The following PSPC1 variants were observed in gnomAD, a reference collection of about 807,000 sequenced individuals.
The protein encoded by PSPC1 is paraspeckle component 1, also known as paraspeckle protein 1.
In PSPC1, 14 loss-of-function variants were observed where a neutral mutation model predicts 51.6. The ratio of observed to expected loss-of-function variants is 0.27; its 90% CI spans 0.18 to 0.42. PSPC1 has a LOEUF of 0.42. Among genes scored for constraint, PSPC1 ranks in the 10% least tolerant of loss-of-function variants. The pLI, the probability that PSPC1 is intolerant of heterozygous loss-of-function variation, is 1.00. For missense variants in PSPC1, 406 were observed against 701.1 expected (o/e 0.58, Z 4.75); for synonymous variants, 193 against 231.9 (o/e 0.83, Z 1.53).
intron 6 of PSPC1, among the ~76,000 whole-genome samples, chr13:19,697,063 C>T (rs1007356376): frequency 6.6e-6 from 1 of 152,128 alleles, no homozygotes; most frequent in Non-Finnish European, 1.5e-5. Context: ...GGATCTTATC[C>T]AATCTACAGT....
At chr13:19,710,644 G>C (rs1341450345) in intron 6 of PSPC1, among the ~76,000 whole-genome samples, 1 of 152,072 alleles carries the variant, frequency 6.6e-6, no homozygotes, top group African/African-American at 2.4e-5. Flanking sequence ...GCCTATGATG[G>C]AAACGTAATT....
chr13:19,770,273 T>C (rs1188822201), intron 2 of PSPC1, among the ~76,000 whole-genome samples: 1 of 152,198 alleles, frequency 6.6e-6, no homozygotes, highest in Non-Finnish European at 1.5e-5. Context: ...AGAATAACTG[T>C]AAAAGGGCAC....
At chr13:19,677,100 G>A (rs1028064674) in intron 7 of PSPC1, among the ~76,000 whole-genome samples, 1 of 152,162 alleles carries the variant, frequency 6.6e-6, no homozygotes, top group Non-Finnish European at 1.5e-5. Flanking sequence ...GGGCATGGTG[G>A]CAGGCGCCTG....
At chr13:19,698,457 CTTA>C (rs1437670052), downstream of PSPC1, among the ~76,000 whole-genome samples, 1 of 151,734 alleles carries the variant, frequency 6.6e-6, no homozygotes, top group Non-Finnish European at 1.5e-5. Flanking sequence ...AATAATTTGT[CTTA>C]TTGACTAAAT....
chr13:19,673,296 C>A, downstream of PSPC1: 1 of 357,668 alleles, frequency 2.8e-6, no homozygotes, highest in Non-Finnish European at 5.5e-6. Flanking sequence ...TGTTTTGTTC[C>A]TCATTAGTTT....
intron 4 of PSPC1, 71 bp downstream of exon 4, chr13:19,751,200 G>GT (rs1886515436): frequency 7.9e-7 from 1 of 1,270,266 alleles, no homozygotes; most frequent in Admixed American, 2.8e-5. Context: ...TTACACAGTA[G>GT]TACATGAATG....
Position 19,749,670 on chromosome 13 carries a change from T to G in PSPC1, c.967+1601A>C, listed in dbSNP as rs953638816. Among the ~76,000 whole-genome samples the G allele has an allele frequency of 1.1e-4, 16 of 147,778 alleles. No individual in the cohort carries two copies. In the Admixed American group the frequency reaches 1.1e-3, roughly 10 times the overall value. The stretch of plus-strand genomic sequence containing the variant: ...TTTTTTTTGAAATGGAGTCTCGCTC[T>G]GTCTGTCGCCCAGGCTGGAGTGCAG... On this transcript the variant is annotated intron_variant, in intron 4 of 8. Coordinates refer to ENST00000338910, the MANE Select transcript of PSPC1 (RefSeq NM_001354909.2).
At position 19,730,961 on chromosome 13, in the gene PSPC1, A is replaced by AAC. The variant is rs1555236460; in HGVS notation, c.1053-618_1053-617insGT. Among the ~76,000 whole-genome samples, 148 of 23,588 alleles carry AAC rather than the reference A, an allele frequency of 6.3e-3. 5 individuals carry two copies. Among genetic ancestry groups the AAC allele is most frequent in the Middle Eastern group, 0.048 (2 of 42 alleles). 15.5% of individuals were successfully genotyped at this position (23,588 alleles called of 152,430 possible). On this transcript the variant is annotated intron_variant, in intron 5 of 8. Transcript: ENST00000338910. ...CCCTGTCTCAGAAAAAAAAAACAAA[A>AAC]AAACAAAAAAAAAAAAAACAGAAAA...
chr13:19,777,996 A>G (rs1386720983), intron 1 of PSPC1, among the ~76,000 whole-genome samples: 1 of 146,246 alleles, frequency 6.8e-6, no homozygotes, highest in South Asian at 2.2e-4. Flanking sequence ...GAAATCCAAG[A>G]ACTTTGGGAG....
intron 6 of PSPC1, among the ~76,000 whole-genome samples, chr13:19,689,221 G>C (rs926329839): frequency 3.7e-4 from 57 of 152,200 alleles, no homozygotes; most frequent in African/African-American, 1.4e-3. Context: ...GTTCAGACTA[G>C]AGCAGGAAAA....
In PSPC1 at chr13:19,690,704, C is replaced by T. The variant is rs192224108; in HGVS notation, c.1159-12881G>A. Among the ~76,000 whole-genome samples the T allele has an allele frequency of 3.9e-3, 587 of 152,236 alleles. 2 individuals carry two copies. Among genetic ancestry groups the T allele is most frequent in the Middle Eastern group, 0.01 (3 of 294 alleles). ...TTTTAGTTCTAAATTTTATATTGAT[C>T]GTTGAACCAAGTCTTCTCCCATTCC... On this transcript the variant is annotated intron_variant and NMD_transcript_variant, in intron 6 of 7. Coordinates refer to the PSPC1 transcript ENST00000471658.
At chr13:19,707,246 G>A (rs762252493) in intron 7 of PSPC1, among the ~76,000 whole-genome samples, 8 of 151,974 alleles carry the variant, frequency 5.3e-5, no homozygotes, top group Admixed American at 3.3e-4. Context: ...ATACAACTAT[G>A]GGTATAAAAA....
At chr13:19,696,517 A>ATG (rs1238774736) in intron 6 of PSPC1, among the ~76,000 whole-genome samples, 1 of 147,746 alleles carries the variant, frequency 6.8e-6, no homozygotes, top group Non-Finnish European at 1.5e-5. Context: ...ACACACACAT[A>ATG]CGCACACACA....
rs191040299 is a variant in PSPC1 at position 19,686,914 on chromosome 13, G to T, written c.1159-9091C>A. Among the ~76,000 whole-genome samples, 43 of 152,254 alleles carry T rather than the reference G, an allele frequency of 2.8e-4. No individual in the cohort carries two copies. The East Asian group carries it at 7.0e-3, about 25-fold the overall frequency. The stretch of plus-strand genomic sequence containing the variant: ...CCAAGTATGAATATAGCCATCTTTA[G>T]GGGTGGGCGCGGTGGCTCATGCCTG... On this transcript the variant is annotated intron_variant and NMD_transcript_variant, in intron 6 of 7. Coordinates refer to the PSPC1 transcript ENST00000471658.
At chr13:19,768,422 CG>C (rs1888276181) in intron 2 of PSPC1, among the ~76,000 whole-genome samples, 1 of 149,804 alleles carries the variant, frequency 6.7e-6, no homozygotes, top group Admixed American at 6.6e-5. Flanking sequence ...CTGAGGCGGG[CG>C]GATCACAAGG....
chr13:19,675,135 T>TC lies in PSPC1; in HGVS notation c.*77-152dup, dbSNP rs1876496634. On this transcript the variant is annotated intron_variant and NMD_transcript_variant, in intron 7 of 7. Coordinates refer to the PSPC1 transcript ENST00000471658. The stretch of plus-strand genomic sequence containing the variant: ...AGCACACACTCCTTCCTGTGCCGAC[T>TC]CCCGCTATTTGCTTGCCTGAGCCAG... 2.0e-5 allele frequency: 3 copies of TC among 152,850 alleles called. No homozygotes were observed. The South Asian group carries it at 6.2e-4, about 32-fold the overall frequency. The allele number at this position is 152,850 out of a possible 1,614,324, so 9.5% of individuals were successfully genotyped here.
chr13:19,775,311 C>T (rs1219538503), intron 1 of PSPC1, among the ~76,000 whole-genome samples: 1 of 151,614 alleles, frequency 6.6e-6, no homozygotes, highest in African/African-American at 2.4e-5. Flanking sequence ...GAGACAGTGC[C>T]ACTACACTCA....
chr13:19,753,904 A>T (rs1886814893), intron 3 of PSPC1, among the ~76,000 whole-genome samples: 1 of 152,118 alleles, frequency 6.6e-6, no homozygotes, highest in Non-Finnish European at 1.5e-5. Flanking sequence ...TCTACCAACC[A>T]CTAATTTTTC....
intron 7 of PSPC1, among the ~76,000 whole-genome samples, 155 bp downstream of exon 7, chr13:19,709,387 G>A (rs942898344): frequency 2.8e-4 from 42 of 152,078 alleles, no homozygotes; most frequent in African/African-American, 9.2e-4. Flanking sequence ...TAATATAATT[G>A]TATTGTATTC....
Sources: gnomAD v4.1 joint callset for allele counts (sites outside exome capture counted in the v4.1 genomes callset) on GRCh38, gnomAD v4.1.1 for gene constraint, MANE v1.5 for transcripts, NCBI Gene and HGNC (gene_info 2026-07-23, HGNC 2026-07-21) for gene names.